Variants in SPEG observed in about 807,000 individuals in gnomAD.
The protein encoded by SPEG is striated muscle preferentially expressed protein kinase.
Under a neutral mutation model 300.4 loss-of-function variants are expected in SPEG, and 114 were observed. That is an observed-to-expected ratio of 0.38 (90% CI 0.33 to 0.44). The LOEUF (loss-of-function observed/expected upper bound fraction) is 0.44, where lower values mean the gene tolerates loss of function less well. Ranked by LOEUF, SPEG falls within the 20% of genes least tolerant of loss-of-function variation. SPEG has a pLI of 1.00. For missense variants in SPEG, 4,201 were observed against 4,586.2 expected, an observed-to-expected ratio of 0.92 and a Z score of 2.43; for synonymous variants, 1,964 against 2,018.9, an observed-to-expected ratio of 0.97 and a Z score of 0.73.
At chr2:219,440,290 G>A (rs1014080323) in intron 1 of SPEG, among the ~76,000 whole-genome samples, 4 of 151,972 alleles carry the variant, frequency 2.6e-5, no homozygotes, top group Admixed American at 6.6e-5. Flanking sequence ...GGGGGGCTGA[G>A]GTGGGGGGAA....
At chr2:219,460,259 C>T (rs1690545880) in intron 6 of SPEG, 2 of 972,748 alleles carry the variant, frequency 2.1e-6, no homozygotes, top group Non-Finnish European at 2.4e-6. Context: ...TCTTCCCCCA[C>T]CTCTGTGAAG....
chr2:219,444,877 G>A lies in SPEG; in HGVS notation c.531G>A (p.Val177=). 6.4e-7 allele frequency: 1 copy of A among 1,569,352 alleles called. No homozygotes were observed. The highest frequency in any genetic ancestry group is 8.6e-7 in the Non-Finnish European group (1 of 1,157,194). ...GTSLDTPPTS[V]TGTSEEQVSW... ...CCCTGGACACACCCCCGACCTCCGT[G>A]ACAGGCACCTCAGAGGAGCAAGTGA... The change falls in exon 3 of 41, where the codon GTG becomes GTA. Residue 177 remains valine (V), a synonymous_variant. Transcript: ENST00000312358. The surrounding 1 kb of genome is among the most constrained non-coding windows in gnomAD (Gnocchi z 7.8).
chr2:219,490,328 G>A (rs1575200802), intron 36 of SPEG, 81 bp from the exon 37 acceptor site: 1 of 1,530,566 alleles, frequency 6.5e-7, no homozygotes, highest in South Asian at 1.2e-5. Context: ...AGGGGTCCCT[G>A]CTCTCCTCCG....
Position 219,479,752 on chromosome 2 carries a change from C to G in SPEG, c.5086-31C>G. On this transcript the variant is annotated intron_variant, in intron 23 of 40. Transcript: ENST00000312358. The surrounding 1 kb of genome is among the most constrained non-coding windows in gnomAD (Gnocchi z 5.5). ...GTGTTCAGACATACACCACCCTTCC[C>G]CCTCAGACTCTGGGCCCACTATTTC... 1 of 1,608,360 alleles carries G rather than the reference C, an allele frequency of 6.2e-7. No homozygotes were observed.
chr2:219,475,382 G>A (rs999943245), intron 18 of SPEG, among the ~76,000 whole-genome samples: 9 of 152,100 alleles, frequency 5.9e-5, no homozygotes, highest in African/African-American at 1.4e-4. Context: ...GAAACTTTCC[G>A]GTGCTTTGAC....
At chr2:219,457,013 G>A (rs1032137659) in intron 6 of SPEG, among the ~76,000 whole-genome samples, 26 of 152,312 alleles carry the variant, frequency 1.7e-4, no homozygotes, top group African/African-American at 5.8e-4. Context: ...TGATCTGTTG[G>A]CTTGTACATT....
intron 18 of SPEG, among the ~76,000 whole-genome samples, chr2:219,475,552 C>T (rs533868421): frequency 3.3e-5 from 5 of 152,226 alleles, no homozygotes; most frequent in South Asian, 2.1e-4. Context: ...GGGTGCTGGG[C>T]GCTCTTTTAA....
At position 219,476,949 on chromosome 2, in the gene SPEG, G is replaced by T; in HGVS notation, c.4527G>T (p.Glu1509Asp). 6.2e-7 allele frequency: 1 copy of T among 1,612,668 alleles called. No homozygotes were observed. The highest frequency in any genetic ancestry group is 2.2e-5 in the East Asian group (1 of 44,864). ...GETARFAVVVEGKPLPDIMWY... is the reference protein window; with the variant it reads ...GETARFAVVVDGKPLPDIMWY... ...CTGCTCGCTTTGCGGTGGTGGTCGA[G>T]GGAAAACCACTGCCGGACATCATGT... Residue 1509 changes from glutamate (E) to aspartate (D), a missense_variant, in exon 19 of 41, where the codon GAG (glutamate) becomes GAT (aspartate). Around this residue, in one of 4 missense-constraint regions of SPEG, gnomAD observed 1,047 missense variants for 1,356.8 expected, o/e 0.77. Coordinates refer to ENST00000312358, the MANE Select transcript of SPEG (RefSeq NM_005876.5).
Position 219,473,484 on chromosome 2 carries a change from C to T in SPEG, c.4148-20C>T. On this transcript the variant is annotated intron_variant, in intron 16 of 40. Coordinates refer to ENST00000312358, the MANE Select transcript of SPEG (RefSeq NM_005876.5). This position sits in a 1 kb window ranked among gnomAD's most constrained non-coding sequence, Gnocchi z 4.6. Reference sequence around the variant, plus strand: ...CCTGATGTCAAGCCCAGCACAGAGCCTGCGCTCTCCTCCTCCCAGGCCCAA... The same window carrying T: ...CCTGATGTCAAGCCCAGCACAGAGCTTGCGCTCTCCTCCTCCCAGGCCCAA... 1 of 1,612,884 alleles carries T rather than the reference C, an allele frequency of 6.2e-7. No homozygotes were observed. The highest frequency in any genetic ancestry group is 1.3e-5 in the African/African-American group (1 of 75,050).
chr2:219,451,396 C>A lies in SPEG; in HGVS notation c.2257+117C>A. The A allele has an allele frequency of 7.3e-7, 1 of 1,373,320 alleles. No individual in the cohort carries two copies. Among genetic ancestry groups the A allele is most frequent in the Non-Finnish European group, 9.7e-7 (1 of 1,033,174 alleles). 85.1% of individuals were successfully genotyped at this position (1,373,320 alleles called of 1,614,324 possible). A position where few individuals can be genotyped will look rare whatever the true frequency, so the allele number is the denominator to read the frequency against. ...GGGGTGGGAAAGAGGGGAATTATCC[C>A]CTCCACGGGGGCTGCCCTGACTTGG... On this transcript the variant is annotated intron_variant, in intron 5 of 40. Coordinates refer to ENST00000312358, the MANE Select transcript of SPEG (RefSeq NM_005876.5). This position sits in a 1 kb window ranked among gnomAD's most constrained non-coding sequence, Gnocchi z 6.4.
chr2:219,492,305 T>C (rs976635661), intron 40 of SPEG, 45 bp downstream of exon 40: 3 of 1,581,172 alleles, frequency 1.9e-6, no homozygotes, highest in Non-Finnish European at 2.6e-6. Context: ...TACCTGCCCC[T>C]GGCCTGGCCT....
At chr2:219,436,619 G>C (rs574959154) in intron 1 of SPEG, among the ~76,000 whole-genome samples, 1 of 152,330 alleles carries the variant, frequency 6.6e-6, no homozygotes, top group East Asian at 1.9e-4. Context: ...CAAGTCAGGA[G>C]AGGGAGCCGG....
At chr2:219,437,289 T>A in intron 1 of SPEG, 1 of 152,274 alleles carries the variant, frequency 6.6e-6, no homozygotes, top group East Asian at 1.9e-4. Flanking sequence ...TCAAGATGGA[T>A]GTCTCCTGGC....
Position 219,448,146 on chromosome 2 carries a change from G to A in SPEG, c.988G>A (p.Ala330Thr). Reference protein sequence around the residue: ...SPPGPPAQPAATPTSPHRRTQ... With the variant: ...SPPGPPAQPATTPTSPHRRTQ... Reference sequence around the variant, plus strand: ...GCCGGGACCCCCGGCCCAGCCCGCGGCCACCCCCACGTCGCCCCACCGTCG... The same window carrying A: ...GCCGGGACCCCCGGCCCAGCCCGCGACCACCCCCACGTCGCCCCACCGTCG... Residue 330 changes from alanine to threonine, a missense_variant, in exon 4 of 41, where the codon GCC becomes ACC. Physicochemically the swap from Ala to Thr is moderately conservative, Grantham distance 58. Around this residue, in one of 4 missense-constraint regions of SPEG, gnomAD observed 1,258 missense variants for 1,293.9 expected, o/e 0.97. Coordinates refer to ENST00000312358, the MANE Select transcript of SPEG (RefSeq NM_005876.5). 6.2e-7 allele frequency: 1 copy of A among 1,608,214 alleles called. No homozygotes were observed. Among genetic ancestry groups the A allele is most frequent in the Non-Finnish European group, 8.5e-7 (1 of 1,177,486 alleles).
chr2:219,492,722 G>C lies in SPEG; in HGVS notation c.9740G>C (p.Arg3247Pro). ...RLKEFLGEQR[R>P]RRAEAATRHK... ...AAGGAGTTCCTGGGCGAGCAGCGGC[G>C]GCGCCGGGCTGAGGCTGCCACCCGC... Residue 3247 changes from arginine (R) to proline (P), a missense_variant, in exon 41 of 41, where the codon CGG (arginine) becomes CCG (proline). Arg to Pro is a moderately radical substitution (Grantham distance 103, BLOSUM62 -2). This residue lies in a region of SPEG where 318 missense variants were observed against 429.5 expected (regional missense o/e 0.74). Coordinates refer to ENST00000312358, the MANE Select transcript of SPEG (RefSeq NM_005876.5). 1 of 1,599,962 alleles carries C rather than the reference G, an allele frequency of 6.3e-7. No homozygotes were observed. The highest frequency in any genetic ancestry group is 8.5e-7 in the Non-Finnish European group (1 of 1,177,716).
rs756303625 is a variant in SPEG, at chr2:219,468,945, G to T, written c.3388G>T (p.Asp1130Tyr). Reference sequence around the variant, plus strand: ...GCACATTGCCCATGTGGGCAGCGAGGACGAGGGGCTCTATGCGGTCAGTGC... The same window carrying T: ...GCACATTGCCCATGTGGGCAGCGAGTACGAGGGGCTCTATGCGGTCAGTGC... Reference protein sequence around the residue: ...SLHIAHVGSEDEGLYAVSAVN... With the variant: ...SLHIAHVGSEYEGLYAVSAVN... Residue 1130 changes from aspartate (D) to tyrosine (Y), a missense_variant, in exon 12 of 41, where the codon GAC (aspartate) becomes TAC (tyrosine). This residue lies in a region of SPEG where 1,047 missense variants were observed against 1,356.8 expected (regional missense o/e 0.77). Coordinates refer to ENST00000312358, the MANE Select transcript of SPEG (RefSeq NM_005876.5). 10 of 1,614,012 alleles carry T rather than the reference G, an allele frequency of 6.2e-6. No homozygotes were observed. Among genetic ancestry groups the T allele is most frequent in the Non-Finnish European group, 5.1e-6 (6 of 1,180,008 alleles).
At chr2:219,442,086 G>A (rs1412759006) in intron 1 of SPEG, 2 of 1,196,046 alleles carry the variant, frequency 1.7e-6, no homozygotes, top group Non-Finnish European at 1.0e-6. Context: ...GTTTCCAGGT[G>A]AGGGCTCCGG....
intron 13 of SPEG, among the ~76,000 whole-genome samples, chr2:219,470,791 T>A (rs1043375323): frequency 2.9e-4 from 44 of 152,190 alleles, no homozygotes; most frequent in African/African-American, 1.0e-3. Context: ...CCGTGGGACC[T>A]TGAACAAGTC....
intron 18 of SPEG, 44 bp from the exon 19 acceptor site, chr2:219,476,826 C>G (rs746207490): frequency 6.7e-7 from 1 of 1,500,566 alleles, no homozygotes; most frequent in Non-Finnish European, 9.3e-7. Context: ...GTAAAGCCAG[C>G]CCCTAGCCCC....
Sources: allele counts gnomAD v4.1 joint callset (sites outside exome capture counted in the v4.1 genomes callset), GRCh38; gene constraint gnomAD v4.1.1; regional missense constraint gnomAD v4.1.1; non-coding constraint Gnocchi (gnomAD v3.1); transcripts MANE v1.5; gene names NCBI Gene and HGNC (gene_info 2026-07-23, HGNC 2026-07-21).